The following BMP2K variants were observed in gnomAD, a reference collection of about 807,000 sequenced individuals.
BMP2K encodes the protein BMP2 inducible kinase, also known as BMP-2-inducible protein kinase.
BMP2K carries 74 observed loss-of-function variants against 116.0 expected under a neutral mutation model. That is an observed-to-expected ratio of 0.64 (90% confidence interval 0.53 to 0.77). The LOEUF (loss-of-function observed/expected upper bound fraction) is 0.77. BMP2K is among the 30% of genes least tolerant of loss of function. The pLI, the probability that BMP2K is intolerant of heterozygous loss-of-function variation, is 0.00. For synonymous variants in BMP2K, 486 were observed against 502.5 expected (o/e 0.97, Z 0.44); for missense variants, 1,365 against 1,403.6 (o/e 0.97, Z 0.44).
chr4:78,791,625 C>A (rs1423214354), intron 1 of BMP2K, among the ~76,000 whole-genome samples: 1 of 152,144 alleles, frequency 6.6e-6, no homozygotes, highest in Non-Finnish European at 1.5e-5. Context: ...TTCCTTTAGA[C>A]CCTGATAACC....
intron 13 of BMP2K, among the ~76,000 whole-genome samples, chr4:78,874,175 TCACA>T (rs148882911): frequency 1.6e-4 from 23 of 148,296 alleles, no homozygotes; most frequent in Non-Finnish European, 2.2e-4. Flanking sequence ...AGACTCCATC[TCACA>T]CACACACACA....
At chr4:78,808,339 C>A (rs144165339) in intron 1 of BMP2K, among the ~76,000 whole-genome samples, 1 of 149,618 alleles carries the variant, frequency 6.7e-6, no homozygotes, top group Non-Finnish European at 1.5e-5. Flanking sequence ...GATCTCGGCT[C>A]ACTGCAAGCT....
At chr4:78,894,858 T>TA (rs1733623151) in intron 15 of BMP2K, among the ~76,000 whole-genome samples, 1 of 152,198 alleles carries the variant, frequency 6.6e-6, no homozygotes, top group African/African-American at 2.4e-5. Flanking sequence ...CCTGAACACT[T>TA]AGAGGCCATT....
chr4:78,842,293 A>G, intron 3 of BMP2K, 92 bp from the exon 4 acceptor site: 2 of 1,155,602 alleles, frequency 1.7e-6, no homozygotes, highest in East Asian at 5.0e-5. Context: ...CCAATTTCCC[A>G]TTACTTGAAG....
At chr4:78,786,405 A>ATGTGTGTGTGTGTGTGTGTGTGTGTG (rs34288286) in intron 1 of BMP2K, among the ~76,000 whole-genome samples, 1 of 134,292 alleles carries the variant, frequency 7.4e-6, no homozygotes, top group African/African-American at 2.8e-5. Flanking sequence ...AAGCCACCCA[A>ATGTGTGTGTGTGTGTGTGTGTGTGTG]TGTGTGTGTG....
chr4:78,833,281 T>C (rs1730294966), intron 2 of BMP2K, among the ~76,000 whole-genome samples: 1 of 152,148 alleles, frequency 6.6e-6, no homozygotes, highest in Admixed American at 6.5e-5. Flanking sequence ...ATAAAAGTTC[T>C]AATATTTTAT....
chr4:78,782,242 C>T lies in BMP2K; in HGVS notation c.178+5521C>T, dbSNP rs968765038. On this transcript the variant is annotated intron_variant, in intron 1 of 15. Coordinates refer to ENST00000502613, the MANE Select transcript of BMP2K (RefSeq NM_198892.2). ...GACACTTGTAACTATTTGCTTTTTT[C>T]CCTCTTGTCACATTTAACCTGTCTT... 5.9e-5 allele frequency among the ~76,000 whole-genome samples: 9 copies of T among 152,198 alleles called. No homozygotes were observed. The South Asian group carries it at 6.2e-4, about 11-fold the overall frequency.
rs1727244873 is a variant in BMP2K, at chr4:78,776,540, G to C, written c.-4G>C. ...CCTGCGCCCTCCAGCTCGCCGGCGG[G>C]ACCATGAAGAAGTTCTCTCGGATGC... On this transcript the variant is annotated 5_prime_UTR_variant, in exon 1 of 16. Coordinates refer to ENST00000502613, the MANE Select transcript of BMP2K (RefSeq NM_198892.2). 1.7e-6 allele frequency: 2 copies of C among 1,144,026 alleles called. No homozygotes were observed. The highest frequency in any genetic ancestry group is 1.1e-6 in the Non-Finnish European group (1 of 927,972). 70.9% of individuals were successfully genotyped at this position (1,144,026 alleles called of 1,614,324 possible).
chr4:78,880,516 A>G (rs149690086), intron 14 of BMP2K, among the ~76,000 whole-genome samples: 1,620 of 152,358 alleles, frequency 0.011, 12 homozygotes, highest in Non-Finnish European at 0.018. Flanking sequence ...TAGGTAAAAA[A>G]TTATTTTTAA....
intron 1 of BMP2K, among the ~76,000 whole-genome samples, chr4:78,800,978 A>G (rs1025637116): frequency 3.9e-5 from 6 of 152,214 alleles, no homozygotes; most frequent in African/African-American, 1.2e-4. Flanking sequence ...TCACCCTAAT[A>G]GCAGTTGTCT....
intron 1 of BMP2K, among the ~76,000 whole-genome samples, chr4:78,780,385 A>G (rs1727447745): frequency 6.6e-6 from 1 of 152,152 alleles, no homozygotes; most frequent in South Asian, 2.1e-4. Flanking sequence ...GAGGCCAGGA[A>G]TTTACTACAG....
chr4:78,857,517 A>G (rs1159978321), intron 7 of BMP2K, among the ~76,000 whole-genome samples: 1 of 152,182 alleles, frequency 6.6e-6, no homozygotes, highest in Non-Finnish European at 1.5e-5. Flanking sequence ...AAAACAAAAC[A>G]AAGAAAAACA....
intron 13 of BMP2K, among the ~76,000 whole-genome samples, chr4:78,874,957 G>C (rs1048443001): frequency 6.6e-6 from 1 of 152,108 alleles, no homozygotes; most frequent in African/African-American, 2.4e-5. Flanking sequence ...CCCAGGTTAG[G>C]AAATATTGGG....
chr4:78,788,376 ATTTTTTT>A (rs1264545181), intron 1 of BMP2K, among the ~76,000 whole-genome samples: 7 of 135,082 alleles, frequency 5.2e-5, no homozygotes, highest in Non-Finnish European at 9.7e-5. Flanking sequence ...GGATCTAAGG[ATTTTTTT>A]TTTTTTTTTT....
intron 14 of BMP2K, among the ~76,000 whole-genome samples, chr4:78,886,780 TATGGATGA>T (rs1203475470): frequency 6.6e-6 from 1 of 152,238 alleles, no homozygotes; most frequent in African/African-American, 2.4e-5. Context: ...TTACCTACTT[TATGGATGA>T]ATGACCATTT....
chr4:78,870,691 A>ATATTTATTATTATTATTAATTATTATT, intron 10 of BMP2K, 92 bp from the exon 11 acceptor site: 2 of 1,464,792 alleles, frequency 1.4e-6, no homozygotes, highest in Admixed American at 4.6e-5. Flanking sequence ...TAAATGCCTT[A>ATATTTATTATTATTATTAATTATTATT]GTTAAATTAT....
intron 15 of BMP2K, among the ~76,000 whole-genome samples, chr4:78,898,592 A>T (rs573742866): frequency 6.6e-6 from 1 of 150,486 alleles, no homozygotes; most frequent in Non-Finnish European, 1.5e-5. Flanking sequence ...TCTAGACTGT[A>T]TATCTAATCA....
In BMP2K at chr4:78,911,988, C is replaced by T. The variant is rs1734654263; in HGVS notation, c.3441C>T (p.Val1147=). 1.9e-6 allele frequency: 3 copies of T among 1,613,634 alleles called. No individual in the cohort carries two copies. Among genetic ancestry groups the T allele is most frequent in the East Asian group, 2.2e-5 (1 of 44,872 alleles). Residue 1147 remains valine (V), a synonymous_variant, in exon 16 of 16, where the codon GTC becomes GTT. Transcript: ENST00000502613. The part of the protein sequence containing the change: ...TPHQSQQSQP[V]ELDPFGAAPF... ...ATCAGTCCCAACAGTCCCAACCAGT[C>T]GAATTAGACCCATTTGGTGCTGCTC...
rs182026974 is a variant in BMP2K, at chr4:78,797,563, A to C, written c.178+20842A>C. ...GTATTGGGATTTTGGTTGGCATTGT[A>C]TGAAAACTAGATATTAATTTGGAGG... On this transcript the variant is annotated intron_variant, in intron 1 of 15. Transcript: ENST00000502613. Among the ~76,000 whole-genome samples, 387 of 152,320 alleles carry C rather than the reference A, an allele frequency of 2.5e-3. 1 individual carries two copies. Among genetic ancestry groups the C allele is most frequent in the Non-Finnish European group, 4.4e-3 (300 of 68,022 alleles).
Sources: gnomAD v4.1 joint callset for allele counts (sites outside exome capture counted in the v4.1 genomes callset) on GRCh38, gnomAD v4.1.1 for gene constraint, MANE v1.5 for transcripts, NCBI Gene and HGNC (gene_info 2026-07-23, HGNC 2026-07-21) for gene names.